Variants in TANC2 observed in about 807,000 individuals in gnomAD.
TANC2 encodes tetratricopeptide repeat, ankyrin repeat and coiled-coil containing 2, also known as protein TANC2.
A neutral mutation model predicts 210.5 loss-of-function variants in TANC2; 26 were observed. The observed-to-expected ratio is 0.12, with a 90% confidence interval of 0.09 to 0.17. The LOEUF is 0.17. Among genes scored for constraint, TANC2 ranks in the 10% least tolerant of loss-of-function variants. TANC2 has a pLI of 1.00. For synonymous variants in TANC2, 931 were observed against 967.1 expected, an observed-to-expected ratio of 0.96 and a Z score of 0.69; for missense variants, 2,129 against 2,608.9, an observed-to-expected ratio of 0.82 and a Z score of 4.01.
Position 63,281,344 on chromosome 17 carries a change from T to C in TANC2, c.1159+13471T>C, listed in dbSNP as rs553133130. ...TACTGGAAAGTTAGCAAGGAATTTCTAAAAGAAAGGGAGCTGCAGAGGCGG... is the reference window on the plus strand; with the variant it reads ...TACTGGAAAGTTAGCAAGGAATTTCCAAAAGAAAGGGAGCTGCAGAGGCGG... On this transcript the variant is annotated intron_variant, in intron 9 of 27. Transcript: ENST00000689528. 1.1e-4 allele frequency among the ~76,000 whole-genome samples: 17 copies of C among 152,172 alleles called. 1 individual carries two copies. In the East Asian group the frequency reaches 2.7e-3, roughly 24 times the overall value.
chr17:63,129,156 G>A (rs570097015), intron 4 of TANC2, among the ~76,000 whole-genome samples: 27 of 152,010 alleles, frequency 1.8e-4, no homozygotes, highest in Admixed American at 1.3e-3. Context: ...CCATGTGTCC[G>A]GCTGATTTTT....
At chr17:63,202,965 A>T (rs1476527350) in intron 7 of TANC2, among the ~76,000 whole-genome samples, 3 of 152,128 alleles carry the variant, frequency 2.0e-5, no homozygotes, top group African/African-American at 7.2e-5. Flanking sequence ...GCTTCTGATG[A>T]TGTAAATATT....
intron 14 of TANC2, among the ~76,000 whole-genome samples, chr17:63,371,724 T>A (rs1473434786): frequency 1.3e-5 from 2 of 152,218 alleles, no homozygotes; most frequent in Non-Finnish European, 2.9e-5. Context: ...CATAATGCCA[T>A]TGTATATTTT....
intron 9 of TANC2, among the ~76,000 whole-genome samples, chr17:63,268,842 A>T (rs752883613): frequency 3.7e-4 from 57 of 152,142 alleles, no homozygotes; most frequent in Admixed American, 3.7e-3. Flanking sequence ...GGAGCCTCTT[A>T]TTGGTATTTC....
At chr17:63,358,376 A>AGAGTGTGTGTGT (rs1470682571) in intron 14 of TANC2, among the ~76,000 whole-genome samples, 32 of 81,036 alleles carry the variant, frequency 3.9e-4, no homozygotes, top group African/African-American at 1.1e-3. Flanking sequence ...AGAGAGAGAG[A>AGAGTGTGTGTGT]GTATGTGTGT....
intron 9 of TANC2, among the ~76,000 whole-genome samples, chr17:63,268,384 A>G (rs1776304895): frequency 6.6e-6 from 1 of 152,172 alleles, no homozygotes; most frequent in Non-Finnish European, 1.5e-5. Context: ...TGCAGTGAAA[A>G]CTTTGTTTCA....
chr17:63,185,859 T>G (rs998803592), intron 5 of TANC2, among the ~76,000 whole-genome samples: 2 of 152,200 alleles, frequency 1.3e-5, no homozygotes, highest in African/African-American at 4.8e-5. Context: ...TCTTGTTGAT[T>G]TGTAGTAGTT....
At chr17:63,110,862 T>C (rs1464917646) in intron 4 of TANC2, among the ~76,000 whole-genome samples, 1 of 152,226 alleles carries the variant, frequency 6.6e-6, no homozygotes, top group Non-Finnish European at 1.5e-5. Context: ...TTGTTAAACA[T>C]GGCAGACTTT....
At chr17:63,307,557 C>A (rs2044962700) in intron 9 of TANC2, among the ~76,000 whole-genome samples, 2 of 152,166 alleles carry the variant, frequency 1.3e-5, no homozygotes, top group Admixed American at 1.3e-4. Context: ...AAGAGGATTT[C>A]TGCTACATTT....
At chr17:63,279,315 GT>G (rs2043990541) in intron 9 of TANC2, among the ~76,000 whole-genome samples, 1 of 152,064 alleles carries the variant, frequency 6.6e-6, no homozygotes, top group South Asian at 2.1e-4. Flanking sequence ...TATGTACCAG[GT>G]TTCATGCTAA....
intron 3 of TANC2, among the ~76,000 whole-genome samples, chr17:63,090,533 G>T (rs925383888): frequency 2.0e-5 from 3 of 152,156 alleles, no homozygotes. Context: ...CAAAGGACAC[G>T]AACTCATCCT....
rs1305984558 is a variant in TANC2, at chr17:63,175,833, T to G, written c.434-18158T>G. On this transcript the variant is annotated intron_variant, in intron 5 of 27. Coordinates refer to ENST00000689528, the Ensembl canonical transcript of TANC2. ...TAATTAACAAGAAGACAACTGAATT[T>G]TTTTTGGCTTGAAACAACCACCATT... 2.0e-5 allele frequency among the ~76,000 whole-genome samples: 3 copies of G among 152,196 alleles called. No individual in the cohort carries two copies. The South Asian group carries it at 6.2e-4, about 31-fold the overall frequency.
chr17:63,004,653 A>G (rs752684343), intron 1 of TANC2: 6 of 258,046 alleles, frequency 2.3e-5, no homozygotes, highest in South Asian at 5.3e-5. Flanking sequence ...GATAAAAAAT[A>G]GTATTTCAAA....
intron 9 of TANC2, among the ~76,000 whole-genome samples, chr17:63,276,613 G>A (rs1478434074): frequency 1.3e-5 from 2 of 151,670 alleles, no homozygotes; most frequent in Non-Finnish European, 2.9e-5. Flanking sequence ...ATGTCAGAAA[G>A]CTGAAATTTA....
chr17:63,354,013 A>G (rs1471941756), intron 13 of TANC2, among the ~76,000 whole-genome samples: 1 of 152,204 alleles, frequency 6.6e-6, no homozygotes, highest in Admixed American at 6.5e-5. Flanking sequence ...AAATGGGAAC[A>G]GAGATACAGG....
At chr17:63,360,893 A>G (rs1405599395) in intron 14 of TANC2, among the ~76,000 whole-genome samples, 2 of 152,078 alleles carry the variant, frequency 1.3e-5, no homozygotes, top group East Asian at 3.9e-4. Flanking sequence ...AGAACACGCA[A>G]TGTCTGTCTT....
intron 7 of TANC2, among the ~76,000 whole-genome samples, chr17:63,201,440 A>G (rs2041530739): frequency 6.6e-6 from 1 of 152,140 alleles, no homozygotes; most frequent in Non-Finnish European, 1.5e-5. Flanking sequence ...CTTCTTGTCA[A>G]TAAGACAGCC....
chr17:63,254,930 G>A (rs141715804), intron 8 of TANC2, among the ~76,000 whole-genome samples: 1 of 151,784 alleles, frequency 6.6e-6, no homozygotes, highest in East Asian at 1.9e-4. Flanking sequence ...ATTGGCCTGT[G>A]GTTTTCTTGT....
At chr17:63,339,439 G>T (rs2046153318) in intron 11 of TANC2, among the ~76,000 whole-genome samples, 1 of 152,010 alleles carries the variant, frequency 6.6e-6, no homozygotes, top group Non-Finnish European at 1.5e-5. Flanking sequence ...GACCCTGGAT[G>T]GTATTAATGC....
Sources: allele counts gnomAD v4.1 joint callset (sites outside exome capture counted in the v4.1 genomes callset), GRCh38; gene constraint gnomAD v4.1.1; transcripts MANE v1.5; gene names NCBI Gene and HGNC (gene_info 2026-07-23, HGNC 2026-07-21).